Variants in L3MBTL1 observed in about 807,000 individuals in gnomAD.
L3MBTL1 encodes the protein lethal(3)malignant brain tumor-like protein 1.
A neutral mutation model predicts 105.3 loss-of-function variants in L3MBTL1; 75 were observed. That is an observed-to-expected ratio of 0.71 (90% CI 0.59 to 0.86). The LOEUF is 0.86. Ranked by LOEUF, L3MBTL1 falls within the 40% of genes least tolerant of loss-of-function variation. The pLI is 0.00. For missense variants in L3MBTL1, 1,069 were observed against 1,126.4 expected (o/e 0.95, Z 0.73); for synonymous variants, 452 against 436.2 (o/e 1.04, Z -0.45).
At chr20:43,531,023 G>GAACAA in intron 11 of L3MBTL1, 134 bp downstream of exon 11, 1 of 724,022 alleles carries the variant, frequency 1.4e-6, no homozygotes, top group Non-Finnish European at 2.3e-6. Flanking sequence ...TCTCATATCA[G>GAACAA]ATGGGAGGGG....
At chr20:43,524,901 T>G (rs1170249302) in intron 7 of L3MBTL1, among the ~76,000 whole-genome samples, 1 of 152,122 alleles carries the variant, frequency 6.6e-6, no homozygotes, top group Admixed American at 6.5e-5. Flanking sequence ...TTTGGGGTTT[T>G]GGGTTGGAAA....
intron 1 of L3MBTL1, among the ~76,000 whole-genome samples, chr20:43,511,678 G>A (rs2018139336): frequency 6.6e-6 from 1 of 151,818 alleles, no homozygotes; most frequent in African/African-American, 2.4e-5. Context: ...CTAGTCAGGA[G>A]GCTGAGGTAG....
At chr20:43,533,886 A>T in intron 13 of L3MBTL1, 122 bp from the exon 14 acceptor site, 1 of 735,392 alleles carries the variant, frequency 1.4e-6, no homozygotes, top group Non-Finnish European at 2.4e-6. Flanking sequence ...GGCTGTGGTG[A>T]TGGTGGGAGA....
chr20:43,519,513 A>G (rs2018595260), intron 7 of L3MBTL1, among the ~76,000 whole-genome samples: 1 of 151,636 alleles, frequency 6.6e-6, no homozygotes, highest in Non-Finnish European at 1.5e-5. Context: ...TCGCATGCCT[A>G]TAATCCCAGC....
chr20:43,539,833 T>C, intron 19 of L3MBTL1: 1 of 436,258 alleles, frequency 2.3e-6, no homozygotes, highest in Non-Finnish European at 4.3e-6. Flanking sequence ...GAAAATTATG[T>C]CTTTAGAGAT....
intron 10 of L3MBTL1, 123 bp from the exon 11 acceptor site, chr20:43,530,675 C>A: frequency 1.1e-6 from 1 of 936,724 alleles, no homozygotes; most frequent in Non-Finnish European, 1.7e-6. Flanking sequence ...AATCCCTGGG[C>A]AAGTTCTTGA....
chr20:43,508,949 C>A (rs1421570494), intron 1 of L3MBTL1, among the ~76,000 whole-genome samples: 3 of 152,192 alleles, frequency 2.0e-5, no homozygotes, highest in Admixed American at 2.0e-4. Context: ...GGAGAGCCTT[C>A]AAGTGAGGTA....
In L3MBTL1 at chr20:43,514,990, G is replaced by A. The variant is rs1407042227; in HGVS notation, c.503-19G>A. The A allele has an allele frequency of 4.3e-6, 7 of 1,610,914 alleles. No individual in the cohort carries two copies. Among genetic ancestry groups the A allele is most frequent in the South Asian group, 1.1e-5 (1 of 90,822 alleles). On this transcript the variant is annotated intron_variant, in intron 4 of 21. Coordinates refer to ENST00000418998, the MANE Select transcript of L3MBTL1 (RefSeq NM_001377303.1). ...GCTGCGATGGGGAGGGAGGCCTGAGGCCCATTTGGCCCCCGCAGAGGACCA... is the reference window on the plus strand; with the variant it reads ...GCTGCGATGGGGAGGGAGGCCTGAGACCCATTTGGCCCCCGCAGAGGACCA...
chr20:43,549,984 G>A (rs1978881327), exon 19 of L3MBTL1: 4 of 152,122 alleles, frequency 2.6e-5, no homozygotes, highest in Admixed American at 2.6e-4. Flanking sequence ...AGGGCTTTAG[G>A]TGTCCATTCC....
In L3MBTL1 at chr20:43,530,791, G is replaced by C; in HGVS notation, c.1193-7G>C. On this transcript the variant is annotated splice_polypyrimidine_tract_variant and splice_region_variant and intron_variant, in intron 10 of 21. Transcript: ENST00000418998. The stretch of plus-strand genomic sequence containing the variant: ...GGCGCTCTGTTCATGCCCCTCGAGG[G>C]GCCTAGGTTACAAGGAGGAGGAGTT... The C allele has an allele frequency of 6.2e-7, 1 of 1,613,752 alleles. No homozygotes were observed. Among genetic ancestry groups the C allele is most frequent in the Non-Finnish European group, 8.5e-7 (1 of 1,179,856 alleles).
rs116032741 is a variant in L3MBTL1, at chr20:43,523,699, T to A, written c.863-4958T>A. The A allele has an allele frequency of 0.01, 1,546 of 153,672 alleles. 49 individuals are homozygous for A. The South Asian group carries it at 0.11, about 11-fold the overall frequency. The allele number at this position is 153,672 out of a possible 1,614,324, so 9.5% of individuals were successfully genotyped here. A position where few individuals can be genotyped will look rare whatever the true frequency, so the allele number is the denominator to read the frequency against. On this transcript the variant is annotated intron_variant, in intron 7 of 21. Transcript: ENST00000418998. Reference sequence around the variant, plus strand: ...CCTTTTAATATCTATAGGACATTTTTAAATTTCTCTTATTTTCTTTTTATT... The same window carrying A: ...CCTTTTAATATCTATAGGACATTTTAAAATTTCTCTTATTTTCTTTTTATT...
intron 20 of L3MBTL1, 144 bp from the exon 21 acceptor site, chr20:43,540,609 C>T: frequency 1.2e-6 from 1 of 810,024 alleles, no homozygotes; most frequent in Non-Finnish European, 1.9e-6. Context: ...GCACATCTGC[C>T]AGCATAGAAA....
At chr20:43,547,933 C>T (rs946701240) in intron 18 of L3MBTL1, among the ~76,000 whole-genome samples, 1 of 151,984 alleles carries the variant, frequency 6.6e-6, no homozygotes, top group Non-Finnish European at 1.5e-5. Context: ...TTTCTCCCTC[C>T]CTTCTCCTTT....
At position 43,528,702 on chromosome 20, in the gene L3MBTL1, A is replaced by T. The variant is rs761885583; in HGVS notation, c.908A>T (p.Glu303Val). 9.3e-6 allele frequency: 15 copies of T among 1,614,170 alleles called. No homozygotes were observed. The highest frequency in any genetic ancestry group is 1.3e-5 in the Non-Finnish European group (15 of 1,180,010). The change falls in exon 8 of 22, where the codon GAG becomes GTG. Residue 303 changes from glutamate (E) to valine (V), a missense_variant. Transcript: ENST00000418998. ...KECWSWESYL[E>V]EQKAITAPVS... ...TGCTGGTCGTGGGAGTCCTACCTAG[A>T]GGAGCAGAAGGCCATTACTGCTCCA...
At chr20:43,526,263 A>G (rs2019027318) in intron 7 of L3MBTL1, among the ~76,000 whole-genome samples, 1 of 152,202 alleles carries the variant, frequency 6.6e-6, no homozygotes, top group South Asian at 2.1e-4. Context: ...CCAGGGAGGA[A>G]GAAATGGCTG....
chr20:43,536,325 T>G (rs565064395), intron 18 of L3MBTL1, 31 bp downstream of exon 18: 2 of 1,611,656 alleles, frequency 1.2e-6, no homozygotes, highest in Admixed American at 3.3e-5. Context: ...GGGCCCGGGC[T>G]TCCTGGGGGT....
rs371688036 is a variant in L3MBTL1 at position 43,530,874 on chromosome 20, T to C, written c.1269T>C (p.Phe423=). ...CTCAGGCTGCCCCCAAGCACCTGTT[T>C]GTGAGCCAGAGCCACGTGAGTGCCC... The part of the protein sequence containing the change: ...TRAQAAPKHL[F]VSQSHSPPPL... Residue 423 remains phenylalanine (F), a synonymous_variant, in exon 11 of 22, where the codon TTT becomes TTC. Coordinates refer to ENST00000418998, the MANE Select transcript of L3MBTL1 (RefSeq NM_001377303.1). 1 of 1,613,872 alleles carries C rather than the reference T, an allele frequency of 6.2e-7. No homozygotes were observed. The highest frequency in any genetic ancestry group is 1.3e-5 in the African/African-American group (1 of 75,048).
chr20:43,534,648 A>T lies in L3MBTL1; in HGVS notation c.1711-180A>T, dbSNP rs570839150. 7 of 610,136 alleles carry T rather than the reference A, an allele frequency of 1.1e-5. No homozygotes were observed. The South Asian group carries it at 1.4e-4, about 12-fold the overall frequency. 37.8% of individuals were successfully genotyped at this position (610,136 alleles called of 1,614,324 possible). On this transcript the variant is annotated intron_variant, in intron 15 of 21. Coordinates refer to ENST00000418998, the MANE Select transcript of L3MBTL1 (RefSeq NM_001377303.1). ...GGATTGCCAGTGGGAGATGCCAGTA[A>T]CTTAATGAGTGATGCCCTTGGAAAA...
chr20:43,531,843 C>T (rs896323095), intron 11 of L3MBTL1: 25 of 152,392 alleles, frequency 1.6e-4, no homozygotes, highest in African/African-American at 5.3e-4. Context: ...GCGTAGGCAA[C>T]ATAGTGAGAC....
Sources: gnomAD v4.1 joint callset for allele counts (sites outside exome capture counted in the v4.1 genomes callset) on GRCh38, gnomAD v4.1.1 for gene constraint, MANE v1.5 for transcripts, NCBI Gene and HGNC (gene_info 2026-07-23, HGNC 2026-07-21) for gene names.